KCTD7: variants seen among roughly 807,000 people sequenced by gnomAD.
The protein encoded by KCTD7 is potassium channel tetramerization domain containing 7, also known as BTB/POZ domain-containing protein KCTD7.
A neutral mutation model predicts 27.0 loss-of-function variants in KCTD7; 15 were observed. That is an observed-to-expected ratio of 0.56 (90% CI 0.37 to 0.86). KCTD7 has a LOEUF of 0.86. KCTD7 is among the 40% of genes least tolerant of loss of function. KCTD7 has a pLI of 0.00. For synonymous variants in KCTD7, 159 were observed against 162.7 expected (o/e 0.98, Z 0.17); for missense variants, 299 against 398.9 (o/e 0.75, Z 2.13).
At position 66,638,336 on chromosome 7, in the gene KCTD7, C is replaced by T. The variant is rs372103637; in HGVS notation, c.398C>T (p.Ala133Val). ...RAVYKEAQYYAIGPLLEQLEN... is the reference protein window; with the variant it reads ...RAVYKEAQYYVIGPLLEQLEN... ...GTGTACAAAGAGGCCCAGTACTATG[C>T]CATCGGGCCCCTCCTGGAGCAGCTG... Residue 133 changes from alanine (A) to valine (V), a missense_variant, in exon 3 of 4, where the codon GCC (alanine) becomes GTC (valine). By Grantham distance (64) the Ala-to-Val change is moderately conservative. Transcript: ENST00000639828. 2.8e-5 allele frequency: 45 copies of T among 1,614,120 alleles called. No individual in the cohort carries two copies. Among genetic ancestry groups the T allele is most frequent in the Non-Finnish European group, 3.7e-5 (44 of 1,180,046 alleles).
chr7:66,642,142 A>C lies in KCTD7; in HGVS notation c.*2910A>C. 1 of 985,406 alleles carries C rather than the reference A, an allele frequency of 1.0e-6. No individual in the cohort carries two copies. Among genetic ancestry groups the C allele is most frequent in the Non-Finnish European group, 1.2e-6 (1 of 829,912 alleles). The allele number at this position is 985,406 out of a possible 1,614,324, so 61.0% of individuals were successfully genotyped here. ...AAATTCCTTAAAAATAAAAAAGCTA[A>C]TGTTATAGCAACAAAAAAAGACTGA... is the stretch of plus-strand genomic sequence containing the variant. On this transcript the variant is annotated 3_prime_UTR_variant, in exon 4 of 4. Transcript: ENST00000639828.
rs1477534486 is a variant in KCTD7 at position 66,640,333 on chromosome 7, T to C, written c.*1101T>C. On this transcript the variant is annotated 3_prime_UTR_variant, in exon 4 of 4. Coordinates refer to ENST00000639828, the MANE Select transcript of KCTD7 (RefSeq NM_153033.5). Reference sequence around the variant, plus strand: ...CCTCTATTTTTGTTTTACTCACTTCTTTATATTTTGTTTTACTCCTCACTC... The same window carrying C: ...CCTCTATTTTTGTTTTACTCACTTCCTTATATTTTGTTTTACTCCTCACTC... 7 of 1,536,008 alleles carry C rather than the reference T, an allele frequency of 4.6e-6. No individual in the cohort carries two copies. The highest frequency in any genetic ancestry group is 5.2e-6 in the Non-Finnish European group (6 of 1,146,454).
chr7:66,642,729 A>G lies in KCTD7; in HGVS notation c.*3497A>G, dbSNP rs1786749296. ...TAAAAGAGAGAGGCTTTTTTCATCCAAAGCTGTAGTGTTGGGAACTGGGGT... is the reference window on the plus strand; with the variant it reads ...TAAAAGAGAGAGGCTTTTTTCATCCGAAGCTGTAGTGTTGGGAACTGGGGT... On this transcript the variant is annotated 3_prime_UTR_variant, in exon 4 of 4. Transcript: ENST00000639828. 4.1e-6 allele frequency: 4 copies of G among 985,232 alleles called. No individual in the cohort carries two copies. The highest frequency in any genetic ancestry group is 9.4e-5 in the South Asian group (2 of 21,286). The allele number at this position is 985,232 out of a possible 1,614,324, so 61.0% of individuals were successfully genotyped here.
At chr7:66,637,389 A>C (rs1308264318) in intron 2 of KCTD7, among the ~76,000 whole-genome samples, 2 of 152,152 alleles carry the variant, frequency 1.3e-5, no homozygotes, top group Non-Finnish European at 2.9e-5. Flanking sequence ...CCTGGCCTAA[A>C]GGTCTTATAT....
rs868184670 is a variant in KCTD7, at chr7:66,629,124, C to T, written c.60C>T (p.Ser20=). Residue 20 remains serine, a synonymous_variant, in exon 1 of 4, where the codon AGC becomes AGT. Transcript: ENST00000639828. ...DSRRQDGAMS[S]SDAEDDFLEP... is the part of the protein sequence containing the mutation. ...GTCGTCAGGACGGTGCCATGTCCAG[C>T]TCTGACGCCGAAGACGACTTTCTGG... 6.5e-7 allele frequency: 1 copy of T among 1,538,184 alleles called. No individual in the cohort carries two copies.
At chr7:66,629,314 C>T (rs986360420) in intron 1 of KCTD7, 106 bp downstream of exon 1, 8 of 485,730 alleles carry the variant, frequency 1.6e-5, no homozygotes, top group East Asian at 7.4e-5. Context: ...GGGTTGGGGG[C>T]GGGGCCCGCG....
In KCTD7 at chr7:66,641,460, G is replaced by C. The variant is rs950057165; in HGVS notation, c.*2228G>C. On this transcript the variant is annotated 3_prime_UTR_variant, in exon 4 of 4. Coordinates refer to ENST00000639828, the MANE Select transcript of KCTD7 (RefSeq NM_153033.5). The stretch of plus-strand genomic sequence containing the variant: ...GGTTATTTAGAGTCCATACATGCAA[G>C]CCATTGAGAGACTTGTTTGCTCAAA... The C allele has an allele frequency of 1.0e-6, 1 of 985,306 alleles. No homozygotes were observed. Among genetic ancestry groups the C allele is most frequent in the Non-Finnish European group, 1.2e-6 (1 of 829,936 alleles). The allele number at this position is 985,306 out of a possible 1,614,324, so 61.0% of individuals were successfully genotyped here.
At position 66,639,098 on chromosome 7, in the gene KCTD7, C is replaced by T. The variant is rs374777888; in HGVS notation, c.736C>T (p.His246Tyr). 1 of 1,614,064 alleles carries T rather than the reference C, an allele frequency of 6.2e-7. No individual in the cohort carries two copies. The highest frequency in any genetic ancestry group is 1.3e-5 in the African/African-American group (1 of 74,916). The change falls in exon 4 of 4, where the codon CAC becomes TAC. Residue 246 changes from histidine to tyrosine, a missense_variant. By Grantham distance (83) the His-to-Tyr change is moderately conservative. Transcript: ENST00000639828. Reference sequence around the variant, plus strand: ...TGTGGCTGATGTTTATGACCTGCTGCACTGCCTGGTCACGGACCTCTCGGC... The same window carrying T: ...TGTGGCTGATGTTTATGACCTGCTGTACTGCCTGGTCACGGACCTCTCGGC... ...EAVADVYDLL[H>Y]CLVTDLSAQG... is the part of the protein sequence containing the mutation.
chr7:66,641,651 G>T lies in KCTD7; in HGVS notation c.*2419G>T. ...GCCACTGTAGGACACAAGGCTCTGGGCCAGTAGAACAGGCAGAGAGGTGAC... is the reference window on the plus strand; with the variant it reads ...GCCACTGTAGGACACAAGGCTCTGGTCCAGTAGAACAGGCAGAGAGGTGAC... On this transcript the variant is annotated 3_prime_UTR_variant, in exon 4 of 4. Transcript: ENST00000639828. 2 of 985,374 alleles carry T rather than the reference G, an allele frequency of 2.0e-6. No homozygotes were observed. Among genetic ancestry groups the T allele is most frequent in the Non-Finnish European group, 2.4e-6 (2 of 829,926 alleles). 61.0% of individuals were successfully genotyped at this position (985,374 alleles called of 1,614,324 possible).
At position 66,628,978 on chromosome 7, in the gene KCTD7, A is replaced by G. The variant is rs886062411; in HGVS notation, c.-87A>G. 1 of 1,356,050 alleles carries G rather than the reference A, an allele frequency of 7.4e-7. No homozygotes were observed. Among genetic ancestry groups the G allele is most frequent in the South Asian group, 1.4e-5 (1 of 69,170 alleles). The allele number at this position is 1,356,050 out of a possible 1,614,324, so 84.0% of individuals were successfully genotyped here. A position where few individuals can be genotyped will look rare whatever the true frequency, so the allele number is the denominator to read the frequency against. Reference sequence around the variant, plus strand: ...CGGCCAGCCCGCAGCCGGCCGCGTCATGCCAGGCGCTGCTCGGCGGTAGGG... The same window carrying G: ...CGGCCAGCCCGCAGCCGGCCGCGTCGTGCCAGGCGCTGCTCGGCGGTAGGG... On this transcript the variant is annotated 5_prime_UTR_variant, in exon 1 of 4. An upstream start codon of the reference 5' UTR is lost. Coordinates refer to ENST00000639828, the MANE Select transcript of KCTD7 (RefSeq NM_153033.5).
At position 66,639,676 on chromosome 7, in the gene KCTD7, A is replaced by ACCAATATAC; in HGVS notation, c.*444_*445insCCAATATAC. On this transcript the variant is annotated 3_prime_UTR_variant, in exon 4 of 4. Transcript: ENST00000639828. ...CAGTATATTGGTGTGAACACGGAAC[A>ACCAATATAC]TGATGGGGGATTTACCTGACCAGCC... 1 of 1,264,348 alleles carries ACCAATATAC rather than the reference A, an allele frequency of 7.9e-7. No homozygotes were observed. The highest frequency in any genetic ancestry group is 3.1e-5 in the East Asian group (1 of 32,482). The allele number at this position is 1,264,348 out of a possible 1,614,324, so 78.3% of individuals were successfully genotyped here.
chr7:66,642,433 TG>T lies in KCTD7; in HGVS notation c.*3203del. On this transcript the variant is annotated 3_prime_UTR_variant, in exon 4 of 4. Transcript: ENST00000639828. ...AATCTTCCTGTTCTGGGCTGCTTGC[TG>T]GAGGAATAGGAAGTGACATTTATAA... 5 of 985,434 alleles carry T rather than the reference TG, an allele frequency of 5.1e-6. No individual in the cohort carries two copies. Among genetic ancestry groups the T allele is most frequent in the Non-Finnish European group, 6.0e-6 (5 of 829,950 alleles). 61.0% of individuals were successfully genotyped at this position (985,434 alleles called of 1,614,324 possible).
At position 66,640,013 on chromosome 7, in the gene KCTD7, T is replaced by C; in HGVS notation, c.*781T>C. On this transcript the variant is annotated 3_prime_UTR_variant, in exon 4 of 4. Transcript: ENST00000639828. ...AAATTTCAGAGGCTTCTTTTGAAGATTCCCCAAGTCAAGCAGGCAAGATGC... is the reference window on the plus strand; with the variant it reads ...AAATTTCAGAGGCTTCTTTTGAAGACTCCCCAAGTCAAGCAGGCAAGATGC... 8.8e-6 allele frequency: 11 copies of C among 1,256,408 alleles called. No homozygotes were observed. Among genetic ancestry groups the C allele is most frequent in the Non-Finnish European group, 1.1e-5 (11 of 1,003,722 alleles). 77.8% of individuals were successfully genotyped at this position (1,256,408 alleles called of 1,614,324 possible). A position where few individuals can be genotyped will look rare whatever the true frequency, so the allele number is the denominator to read the frequency against.
In KCTD7 at chr7:66,638,991, T is replaced by A. The variant is rs765770848; in HGVS notation, c.629T>A (p.Leu210Gln). The A allele has an allele frequency of 1.2e-6, 2 of 1,614,192 alleles. No individual in the cohort carries two copies. The highest frequency in any genetic ancestry group is 1.1e-5 in the South Asian group (1 of 91,088). The change falls in exon 4 of 4, where the codon CTG becomes CAG. Residue 210 changes from leucine to glutamine, a missense_variant. Leu to Gln is a moderately radical substitution (Grantham distance 113). Coordinates refer to ENST00000639828, the MANE Select transcript of KCTD7 (RefSeq NM_153033.5). ...TPYECPLLNS[L>Q]RFERSESDGQ... The stretch of plus-strand genomic sequence containing the variant: ...TATGAGTGTCCGCTCCTCAACTCCC[T>A]GCGATTTGAGCGGAGTGAGAGTGAC...
chr7:66,631,044 A>G (rs1227179101), intron 1 of KCTD7, among the ~76,000 whole-genome samples: 1 of 152,226 alleles, frequency 6.6e-6, no homozygotes, highest in African/African-American at 2.4e-5. Flanking sequence ...AATAAGCGCA[A>G]GGCATTTTCA....
chr7:66,636,344 T>A (rs973983751), intron 2 of KCTD7, among the ~76,000 whole-genome samples: 2 of 151,976 alleles, frequency 1.3e-5, no homozygotes, highest in Non-Finnish European at 2.9e-5. Context: ...CTGGCAGCGG[T>A]GGCTACTTGA....
At position 66,639,683 on chromosome 7, in the gene KCTD7, G is replaced by A. The variant is rs1216854524; in HGVS notation, c.*451G>A. ...TTGGTGTGAACACGGAACATGATGGGGGATTTACCTGACCAGCCACCCCAT... is the reference window on the plus strand; with the variant it reads ...TTGGTGTGAACACGGAACATGATGGAGGATTTACCTGACCAGCCACCCCAT... On this transcript the variant is annotated 3_prime_UTR_variant, in exon 4 of 4. Coordinates refer to ENST00000639828, the MANE Select transcript of KCTD7 (RefSeq NM_153033.5). The A allele has an allele frequency of 5.6e-6, 7 of 1,256,056 alleles. No individual in the cohort carries two copies. Among genetic ancestry groups the A allele is most frequent in the Non-Finnish European group, 7.0e-6 (7 of 1,001,446 alleles). The allele number at this position is 1,256,056 out of a possible 1,614,324, so 77.8% of individuals were successfully genotyped here.
intron 3 of KCTD7, 182 bp from the exon 4 acceptor site, chr7:66,638,674 C>A: frequency 1.2e-6 from 1 of 818,350 alleles, no homozygotes; most frequent in Non-Finnish European, 1.9e-6. Flanking sequence ...CTTCCCTTTG[C>A]TGTGGAGAAC....
chr7:66,638,119 A>G, intron 2 of KCTD7, 134 bp from the exon 3 acceptor site: 2 of 864,068 alleles, frequency 2.3e-6, no homozygotes, highest in Non-Finnish European at 3.9e-6. Context: ...AAACTGAGAC[A>G]TGGAGTAGTT....
Sources: allele counts gnomAD v4.1 joint callset (sites outside exome capture counted in the v4.1 genomes callset), GRCh38; gene constraint gnomAD v4.1.1; transcripts MANE v1.5; gene names NCBI Gene and HGNC (gene_info 2026-07-23, HGNC 2026-07-21).